Variants in FAM193A observed in about 807,000 individuals in gnomAD.
FAM193A encodes protein FAM193A.
Under a neutral mutation model 126.5 loss-of-function variants are expected in FAM193A, and 22 were observed. That is an observed-to-expected ratio of 0.17 (90% CI 0.12 to 0.25). FAM193A has a LOEUF of 0.25. Ranked by LOEUF, FAM193A falls within the 10% of genes least tolerant of loss-of-function variation. FAM193A has a pLI of 1.00. For synonymous variants in FAM193A, 761 were observed against 646.8 expected (o/e 1.18, Z -2.68); for missense variants, 1,675 against 1,672.8 (o/e 1.00, Z -0.02).
In FAM193A at chr4:2,732,096, T is replaced by C; in HGVS notation, c.*228T>C. 1 of 562,466 alleles carries C rather than the reference T, an allele frequency of 1.8e-6. No individual in the cohort carries two copies. The allele number at this position is 562,466 out of a possible 1,614,324, so 34.8% of individuals were successfully genotyped here. A position where few individuals can be genotyped will look rare whatever the true frequency, so the allele number is the denominator to read the frequency against. ...TCGATTGTAGCTCTGTGCTGTCGGA[T>C]TGGAACAGTAGTTCCCGCCAAGTCC... On this transcript the variant is annotated 3_prime_UTR_variant, in exon 21 of 21. Transcript: ENST00000637812.
At chr4:2,567,985 C>T (rs1338814848) in intron 1 of FAM193A, among the ~76,000 whole-genome samples, 5 of 152,172 alleles carry the variant, frequency 3.3e-5, no homozygotes, top group African/African-American at 9.7e-5. Flanking sequence ...CTGCCTTCGC[C>T]CTTCAGAAGC....
At chr4:2,552,029 C>T (rs79886534) in intron 1 of FAM193A, among the ~76,000 whole-genome samples, 269 of 20,882 alleles carry the variant, frequency 0.013, no homozygotes, top group Middle Eastern at 0.034. Context: ...TTTTTTTTTT[C>T]GAGACAGAGT....
intron 1 of FAM193A, among the ~76,000 whole-genome samples, chr4:2,576,153 G>A (rs1438801108): frequency 6.6e-6 from 1 of 152,166 alleles, no homozygotes; most frequent in African/African-American, 2.4e-5. Flanking sequence ...CTGCAGTGCA[G>A]TGGCACGATC....
intron 13 of FAM193A, among the ~76,000 whole-genome samples, chr4:2,673,861 A>G (rs533627474): frequency 1.5e-3 from 229 of 152,216 alleles, no homozygotes; most frequent in African/African-American, 5.4e-3. Context: ...AAAATTGATT[A>G]TTTTCCCGGG....
chr4:2,654,904 A>T (rs1711516177), intron 7 of FAM193A: 1 of 470,954 alleles, frequency 2.1e-6, no homozygotes, highest in Admixed American at 3.5e-5. Context: ...ATGCCCTGTG[A>T]CCAGTCATCT....
chr4:2,583,031 C>T (rs961015495), intron 1 of FAM193A, among the ~76,000 whole-genome samples: 7 of 152,100 alleles, frequency 4.6e-5, no homozygotes, highest in Non-Finnish European at 5.9e-5. Flanking sequence ...TGCAGTGGCA[C>T]GATCTCAGCT....
chr4:2,627,159 C>CTTTTTT (rs11385994), intron 4 of FAM193A, among the ~76,000 whole-genome samples: 4 of 126,306 alleles, frequency 3.2e-5, no homozygotes, highest in African/African-American at 8.9e-5. Context: ...TTTGATGTAA[C>CTTTTTT]TTTTTTTTTT....
chr4:2,677,961 T>G (rs745669975), intron 13 of FAM193A, among the ~76,000 whole-genome samples: 45 of 152,134 alleles, frequency 3.0e-4, no homozygotes, highest in Non-Finnish European at 5.4e-4. Flanking sequence ...TTATTTATGT[T>G]TTTTTAATTT....
chr4:2,596,441 C>T (rs573203711), intron 2 of FAM193A, 112 bp downstream of exon 2: 9 of 632,222 alleles, frequency 1.4e-5, no homozygotes, highest in East Asian at 1.4e-4. Context: ...GGCACTCCCT[C>T]CTGCACCACC....
chr4:2,683,091 A>G (rs1715336661), intron 13 of FAM193A, among the ~76,000 whole-genome samples: 1 of 152,152 alleles, frequency 6.6e-6, no homozygotes, highest in South Asian at 2.1e-4. Flanking sequence ...TTTGAAGGAT[A>G]ATTTGGCTGG....
At position 2,664,949 on chromosome 4, in the gene FAM193A, C is replaced by T. The variant is rs181538988; in HGVS notation, c.2079+1661C>T. On this transcript the variant is annotated intron_variant, in intron 12 of 20. Coordinates refer to ENST00000637812, the MANE Select transcript of FAM193A (RefSeq NM_001366318.2). The stretch of plus-strand genomic sequence containing the variant: ...TAGGATCTACTTGTCAACTACAAAA[C>T]GCCTCCTTGGATCTTGAGGGATTGC... Among the ~76,000 whole-genome samples, 88 of 152,216 alleles carry T rather than the reference C, an allele frequency of 5.8e-4. 1 individual carries two copies. The highest frequency in any genetic ancestry group is 1.7e-3 in the African/African-American group (69 of 41,538).
intron 19 of FAM193A, chr4:2,715,410 C>A: frequency 2.8e-6 from 2 of 711,210 alleles, no homozygotes; most frequent in Non-Finnish European, 3.5e-6. Flanking sequence ...TTCCAGTGAG[C>A]CGAGATCATG....
chr4:2,642,446 ATTGGAAAGTCCTTACTCTGACCCT>A (rs1221937683), intron 6 of FAM193A, among the ~76,000 whole-genome samples: 1 of 152,094 alleles, frequency 6.6e-6, no homozygotes, highest in Non-Finnish European at 1.5e-5. Context: ...GTGTATCAAG[ATTGGAAAGTCCTTACTCTGACCCT>A]TGCAGAAGAA....
chr4:2,649,632 A>G (rs1416493005), intron 7 of FAM193A, among the ~76,000 whole-genome samples: 1 of 152,098 alleles, frequency 6.6e-6, no homozygotes, highest in East Asian at 1.9e-4. Flanking sequence ...TGATCATGCC[A>G]CCACACTCCA....
At chr4:2,626,652 C>T in intron 4 of FAM193A, 75 bp downstream of exon 4, 1 of 649,812 alleles carries the variant, frequency 1.5e-6, no homozygotes, top group Non-Finnish European at 2.9e-6. Flanking sequence ...CCACTCCTTT[C>T]AGGATGGGCT....
intron 1 of FAM193A, among the ~76,000 whole-genome samples, chr4:2,577,344 G>A (rs748868988): frequency 6.6e-5 from 10 of 150,902 alleles, no homozygotes; most frequent in Non-Finnish European, 1.3e-4. Flanking sequence ...TTTCTTTGTC[G>A]TCATTGGTCT....
At chr4:2,553,993 CT>C (rs951859572) in intron 1 of FAM193A, among the ~76,000 whole-genome samples, 5 of 152,000 alleles carry the variant, frequency 3.3e-5, no homozygotes, top group Admixed American at 3.3e-4. Flanking sequence ...TCTTTTTAAA[CT>C]TTTTTTTCCC....
At chr4:2,575,996 T>C (rs1393180191) in intron 1 of FAM193A, among the ~76,000 whole-genome samples, 1 of 152,206 alleles carries the variant, frequency 6.6e-6, no homozygotes, top group Admixed American at 6.5e-5. Context: ...GGGATGCAAG[T>C]AGCAGCAGTC....
At chr4:2,636,674 G>A (rs1440274176) in intron 5 of FAM193A, among the ~76,000 whole-genome samples, 1 of 152,184 alleles carries the variant, frequency 6.6e-6, no homozygotes, top group East Asian at 1.9e-4. Flanking sequence ...GATCTCATCA[G>A]AAAGCTCTTT....
Sources: allele counts gnomAD v4.1 joint callset (sites outside exome capture counted in the v4.1 genomes callset), GRCh38; gene constraint gnomAD v4.1.1; transcripts MANE v1.5; gene names NCBI Gene and HGNC (gene_info 2026-07-23, HGNC 2026-07-21).